COL13A1: variants seen among roughly 807,000 people sequenced by gnomAD.
The protein encoded by COL13A1 is collagen alpha-1(XIII) chain.
In COL13A1, 89 loss-of-function variants were observed where a neutral mutation model predicts 130.9. The ratio of observed to expected loss-of-function variants is 0.68; its 90% CI spans 0.57 to 0.81. COL13A1 has a LOEUF of 0.81. COL13A1 is among the 30% of genes least tolerant of loss of function. The pLI is 0.00. For missense variants in COL13A1, 879 were observed against 934.6 expected (o/e 0.94, Z 0.78); for synonymous variants, 402 against 341.6 (o/e 1.18, Z -1.95).
At chr10:69,837,983 G>A (rs1850549057) in intron 2 of COL13A1, among the ~76,000 whole-genome samples, 1 of 152,180 alleles carries the variant, frequency 6.6e-6, no homozygotes, top group Admixed American at 6.5e-5. Context: ...AGATCTCCCA[G>A]CCCTTCTCCA....
At chr10:69,830,136 G>A (rs1476077492) in intron 2 of COL13A1, among the ~76,000 whole-genome samples, 3 of 152,162 alleles carry the variant, frequency 2.0e-5, no homozygotes, top group East Asian at 1.9e-4. Context: ...TGGTTTCCTC[G>A]CTGATATAAA....
intron 1 of COL13A1, 26 bp downstream of exon 1, chr10:69,802,743 T>C: frequency 1.2e-6 from 2 of 1,606,952 alleles, no homozygotes; most frequent in Middle Eastern, 2.1e-4. Context: ...TGCTGGCTTT[T>C]ATCCCTCCCC....
At chr10:69,897,643 G>A (rs1291320664) in intron 13 of COL13A1, 1 of 1,186,998 alleles carries the variant, frequency 8.4e-7, no homozygotes, top group East Asian at 2.5e-5. Context: ...GTGGAGCTCT[G>A]TGTGCCACTG....
intron 15 of COL13A1, among the ~76,000 whole-genome samples, chr10:69,904,262 C>T (rs1339686216): frequency 1.3e-5 from 2 of 152,094 alleles, no homozygotes. Flanking sequence ...TGAACCCAAG[C>T]CAGGTGGTTT....
At chr10:69,834,501 ATAT>A (rs759482633) in intron 2 of COL13A1, among the ~76,000 whole-genome samples, 10 of 152,218 alleles carry the variant, frequency 6.6e-5, no homozygotes, top group Non-Finnish European at 1.2e-4. Flanking sequence ...ACCATGGCAT[ATAT>A]TCAACAGATG....
intron 17 of COL13A1, among the ~76,000 whole-genome samples, chr10:69,916,110 A>G (rs141131658): frequency 6.6e-6 from 1 of 152,278 alleles, no homozygotes; most frequent in Non-Finnish European, 1.5e-5. Flanking sequence ...TGGTAAGGAG[A>G]AGGATGGACG....
chr10:69,912,948 C>G (rs570541643), intron 17 of COL13A1, among the ~76,000 whole-genome samples: 1 of 152,324 alleles, frequency 6.6e-6, no homozygotes, highest in East Asian at 1.9e-4. Flanking sequence ...GAATCTTGGA[C>G]CAGAACAGAG....
At chr10:69,861,544 C>T (rs1226244519) in intron 2 of COL13A1, among the ~76,000 whole-genome samples, 1 of 152,124 alleles carries the variant, frequency 6.6e-6, no homozygotes. Context: ...GGACACCCAG[C>T]CTCTCCACCT....
intron 10 of COL13A1, among the ~76,000 whole-genome samples, chr10:69,892,024 C>G (rs1048275202): frequency 6.6e-6 from 1 of 152,208 alleles, no homozygotes; most frequent in East Asian, 1.9e-4. Flanking sequence ...TCTGCCACAC[C>G]GTCCCTCTGC....
rs1291159074 is a variant in COL13A1 at position 69,959,062 on chromosome 10, A to G, written c.*361A>G. The G allele has an allele frequency of 4.3e-6, 1 of 232,050 alleles. No individual in the cohort carries two copies. Among genetic ancestry groups the G allele is most frequent in the African/African-American group, 2.3e-5 (1 of 43,880 alleles). 14.4% of individuals were successfully genotyped at this position (232,050 alleles called of 1,614,324 possible). ...TGAATTCACATAAATGTAGAGGTCC[A>G]TGATATTTGCTAAGCTAGGTGTGTC... is the stretch of plus-strand genomic sequence containing the variant. On this transcript the variant is annotated 3_prime_UTR_variant, in exon 41 of 41. Coordinates refer to ENST00000645393, the MANE Select transcript of COL13A1 (RefSeq NM_001368882.1).
chr10:69,919,557 G>T (rs1245135408), intron 20 of COL13A1, 108 bp from the exon 21 acceptor site: 4 of 398,932 alleles, frequency 1.0e-5, no homozygotes, highest in African/African-American at 6.2e-5. Flanking sequence ...AAGAGGAAAA[G>T]CTTAAGGGAC....
In COL13A1 at chr10:69,805,018, G is replaced by A. The variant is rs576988152; in HGVS notation, c.294+2301G>A. Among the ~76,000 whole-genome samples the A allele has an allele frequency of 2.6e-5, 4 of 152,236 alleles. No homozygotes were observed. In the South Asian group the frequency reaches 8.3e-4, roughly 32 times the overall value. ...CGAGTGTGAAGCCTTGTTCTAAGGG[G>A]ACAAACGGAACAGCCTTTGAGGCTG... On this transcript the variant is annotated intron_variant, in intron 1 of 40. Transcript: ENST00000645393.
chr10:69,858,207 T>C (rs1267174064), intron 2 of COL13A1, among the ~76,000 whole-genome samples: 1 of 151,434 alleles, frequency 6.6e-6, no homozygotes, highest in Non-Finnish European at 1.5e-5. Flanking sequence ...GGCAGTATCA[T>C]ATGCTTCTGG....
At position 69,922,631 on chromosome 10, in the gene COL13A1, AC is replaced by A. The variant is rs1050535040; in HGVS notation, c.1144-73del. On this transcript the variant is annotated intron_variant, in intron 22 of 40. Transcript: ENST00000645393. ...GGTCCCCAGACATCCTGGGGCCCAC[AC>A]CCCATAGTGTCCCTCCAGTGCTCAG... is the stretch of plus-strand genomic sequence containing the variant. 5.8e-6 allele frequency: 6 copies of A among 1,032,182 alleles called. No individual in the cohort carries two copies. In the African/African-American group the frequency reaches 8.3e-5, roughly 14 times the overall value. 63.9% of individuals were successfully genotyped at this position (1,032,182 alleles called of 1,614,324 possible).
chr10:69,919,130 G>C (rs7913945), intron 20 of COL13A1, 42 bp downstream of exon 20: 14 of 1,613,016 alleles, frequency 8.7e-6, no homozygotes, highest in Non-Finnish European at 1.2e-5. Context: ...ACAGAGCATC[G>C]GTCATGGGCA....
intron 1 of COL13A1, among the ~76,000 whole-genome samples, chr10:69,818,119 T>C (rs1227770): frequency 0.99 from 150,672 of 152,246 alleles, 74,574 homozygotes; most frequent in East Asian, 1. Context: ...CCCTGCTGGG[T>C]TCCACAAACT....
In COL13A1 at chr10:69,927,091, T is replaced by C. The variant is rs759224256; in HGVS notation, c.1403T>C (p.Ile468Thr). The change falls in exon 27 of 41, where the codon ATC becomes ACC. Residue 468 changes from isoleucine to threonine, a missense_variant. Around this residue, in one of 3 missense-constraint regions of COL13A1, gnomAD observed 715 missense variants for 721.0 expected, o/e 0.99. Coordinates refer to ENST00000645393, the MANE Select transcript of COL13A1 (RefSeq NM_001368882.1). ...TGCCTGGTGTTGGTTTTTTAGGAGA[T>C]CCGGACGCTGGCCTTGATGGTAAGT... Reference protein sequence around the residue: ...NGNINEALQEIRTLALMGPPG... With the variant: ...NGNINEALQETRTLALMGPPG... 1.9e-6 allele frequency: 3 copies of C among 1,613,772 alleles called. No individual in the cohort carries two copies. The highest frequency in any genetic ancestry group is 2.7e-5 in the African/African-American group (2 of 74,898).
At chr10:69,896,289 A>G (rs1447850430) in intron 13 of COL13A1, among the ~76,000 whole-genome samples, 2 of 151,632 alleles carry the variant, frequency 1.3e-5, no homozygotes, top group Non-Finnish European at 2.9e-5. Context: ...TCCTGTTAGG[A>G]ATCTTCAAAC....
At chr10:69,889,892 C>T (rs938076390) in intron 10 of COL13A1, among the ~76,000 whole-genome samples, 1 of 152,216 alleles carries the variant, frequency 6.6e-6, no homozygotes, top group African/African-American at 2.4e-5. Context: ...GGGGTTCCTG[C>T]CCCACTGGGG....
Sources: gnomAD v4.1 joint callset for allele counts (sites outside exome capture counted in the v4.1 genomes callset) on GRCh38, gnomAD v4.1.1 for gene constraint, gnomAD v4.1.1 regional missense constraint, MANE v1.5 for transcripts, NCBI Gene and HGNC (gene_info 2026-07-23, HGNC 2026-07-21) for gene names.